The following REG3G variants were observed in gnomAD, a reference collection of about 807,000 sequenced individuals.
REG3G encodes regenerating family member 3 gamma, also known as regenerating islet-derived protein 3-gamma.
Under a neutral mutation model 20.9 loss-of-function variants are expected in REG3G, and 19 were observed. The observed-to-expected ratio is 0.91, with a 90% CI of 0.64 to 1.34. The LOEUF (loss-of-function observed/expected upper bound fraction) is 1.34, where lower values mean the gene tolerates loss of function less well. REG3G is among the 40% of genes most tolerant of loss of function. The pLI, the probability that REG3G is intolerant of heterozygous loss-of-function variation, is 0.00. For synonymous variants in REG3G, 89 were observed against 77.4 expected (o/e 1.15, Z -0.79); for missense variants, 235 against 205.0 (o/e 1.15, Z -0.89).
In REG3G at chr2:79,027,050, G is replaced by A. The variant is rs199881592; in HGVS notation, c.212G>A (p.Arg71Gln). ...WMDADLACQK[R>Q]PSGKLVSVLS... ...CCCTCAAAGCTGGCTTGCCAGAAGC[G>A]GCCCTCTGGAAAACTGGTGTCTGTG... is the stretch of plus-strand genomic sequence containing the variant. Residue 71 changes from arginine (R) to glutamine (Q), a missense_variant, in exon 4 of 6, where the codon CGG becomes CAG. Coordinates refer to ENST00000272324, the MANE Select transcript of REG3G (RefSeq NM_001008387.3). 110 of 1,614,030 alleles carry A rather than the reference G, an allele frequency of 6.8e-5. No individual in the cohort carries two copies. Among genetic ancestry groups the A allele is most frequent in the East Asian group, 2.9e-4 (13 of 44,864 alleles).
At chr2:79,028,114 G>C in intron 5 of REG3G, 95 bp from the exon 6 acceptor site, 1 of 1,284,452 alleles carries the variant, frequency 7.8e-7, no homozygotes, top group South Asian at 1.2e-5. Flanking sequence ...GAAGATGAGA[G>C]AGAAGCTTTA....
intron 4 of REG3G, 107 bp from the exon 5 acceptor site, chr2:79,027,700 C>A: frequency 1.5e-6 from 2 of 1,377,784 alleles, no homozygotes; most frequent in Non-Finnish European, 2.0e-6. Flanking sequence ...GAAGATCAGA[C>A]CAAAATCCCT....
rs1187278596 is a variant in REG3G at position 79,028,446 on chromosome 2, C to T, written c.*170C>T. ...TTCTTCACCTTCATTTCAGGCTTTT[C>T]TCTGTCTTCCATGTCTTGAGATCTC... is the stretch of plus-strand genomic sequence containing the variant. On this transcript the variant is annotated 3_prime_UTR_variant, in exon 6 of 6. Coordinates refer to ENST00000272324, the MANE Select transcript of REG3G (RefSeq NM_001008387.3). 6 of 560,000 alleles carry T rather than the reference C, an allele frequency of 1.1e-5. No individual in the cohort carries two copies. Among genetic ancestry groups the T allele is most frequent in the African/African-American group, 1.9e-5 (1 of 53,114 alleles). 34.7% of individuals were successfully genotyped at this position (560,000 alleles called of 1,614,324 possible).
chr2:79,028,185 G>C, intron 5 of REG3G, 24 bp from the exon 6 acceptor site: 8 of 1,565,930 alleles, frequency 5.1e-6, no homozygotes, highest in Non-Finnish European at 5.3e-6. Flanking sequence ...CCAGCCCCAT[G>C]CCTTTTATAT....
intron 2 of REG3G, 37 bp from the exon 3 acceptor site, chr2:79,026,676 C>G: frequency 1.3e-6 from 2 of 1,545,270 alleles, no homozygotes; most frequent in Non-Finnish European, 1.8e-6. Flanking sequence ...CCACCCCCTA[C>G]TCTTCATTTT....
intron 4 of REG3G, 128 bp from the exon 5 acceptor site, chr2:79,027,679 G>T (rs1375720571): frequency 2.0e-6 from 2 of 1,019,544 alleles, no homozygotes; most frequent in Non-Finnish European, 1.5e-6. Flanking sequence ...AGGACTCTAG[G>T]GCAGCATCTG....
chr2:79,026,796 T>C lies in REG3G; in HGVS notation c.160T>C (p.Leu54=). 6.2e-7 allele frequency: 1 copy of C among 1,613,546 alleles called. No individual in the cohort carries two copies. The highest frequency in any genetic ancestry group is 8.5e-7 in the Non-Finnish European group (1 of 1,179,874). ...SKAYGSPCYA[L]FLSPKSWMDA... ...GGCCTATGGCTCCCCCTGCTATGCC[T>C]TGTTTTTGTCACCAAAATCCTGGAT... The change falls in exon 3 of 6, where the codon TTG becomes CTG. Residue 54 remains leucine, a synonymous_variant. Coordinates refer to ENST00000272324, the MANE Select transcript of REG3G (RefSeq NM_001008387.3).
At chr2:79,028,005 A>T (rs958881206) in intron 5 of REG3G, 72 bp downstream of exon 5, 2 of 1,593,236 alleles carry the variant, frequency 1.3e-6, no homozygotes, top group African/African-American at 2.7e-5. Context: ...CCTTCAGGAA[A>T]TCCTTTTCAG....
intron 4 of REG3G, 31 bp downstream of exon 4, chr2:79,027,202 T>C: frequency 1.2e-6 from 2 of 1,611,034 alleles, no homozygotes; most frequent in Non-Finnish European, 1.7e-6. Context: ...CTCTGTTACC[T>C]CTCAAGGTAC....
At chr2:79,027,312 A>G in intron 4 of REG3G, 141 bp downstream of exon 4, 1 of 904,028 alleles carries the variant, frequency 1.1e-6, no homozygotes, top group Non-Finnish European at 1.7e-6. Context: ...GGAGAATAGG[A>G]AGTCCATGAG....
At position 79,027,839 on chromosome 2, in the gene REG3G, G is replaced by C; in HGVS notation, c.366G>C (p.Trp122Cys). 1.2e-6 allele frequency: 2 copies of C among 1,614,046 alleles called. No homozygotes were observed. The highest frequency in any genetic ancestry group is 1.7e-6 in the Non-Finnish European group (2 of 1,179,960). The change falls in exon 5 of 6, where the codon TGG becomes TGC. Residue 122 changes from tryptophan (W) to cysteine (C), a missense_variant. Transcript: ENST00000272324. ...GSEPDGDGWEWSSTDVMNYFA... is the reference protein window; with the variant it reads ...GSEPDGDGWECSSTDVMNYFA... ...AGCCTGATGGAGATGGATGGGAGTG[G>C]AGTAGCACTGATGTGATGAATTACT...
chr2:79,028,261 C>T lies in REG3G; in HGVS notation c.513C>T (p.Cys171=). 1.9e-6 allele frequency: 3 copies of T among 1,612,504 alleles called. No homozygotes were observed. Among genetic ancestry groups the T allele is most frequent in the Non-Finnish European group, 1.7e-6 (2 of 1,178,630 alleles). The part of the protein sequence containing the change: ...YNCDAKLPYV[C]KFKD ...GTGATGCAAAGTTACCCTATGTCTG[C>T]AAGTTCAAGGACTAGGGCAGGTGGG... is the stretch of plus-strand genomic sequence containing the variant. Residue 171 remains cysteine (C), a synonymous_variant, in exon 6 of 6, where the codon TGC becomes TGT. Transcript: ENST00000272324.
chr2:79,028,421 T>A lies in REG3G; in HGVS notation c.*145T>A. The A allele has an allele frequency of 1.7e-6, 1 of 578,728 alleles. No homozygotes were observed. Among genetic ancestry groups the A allele is most frequent in the Non-Finnish European group, 3.1e-6 (1 of 321,028 alleles). The allele number at this position is 578,728 out of a possible 1,614,324, so 35.8% of individuals were successfully genotyped here. ...TCATGATCCTCCTTCTTTTTCCTTTTTCTTCACCTTCATTTCAGGCTTTTC... is the reference window on the plus strand; with the variant it reads ...TCATGATCCTCCTTCTTTTTCCTTTATCTTCACCTTCATTTCAGGCTTTTC... On this transcript the variant is annotated 3_prime_UTR_variant, in exon 6 of 6. Coordinates refer to ENST00000272324, the MANE Select transcript of REG3G (RefSeq NM_001008387.3).
At chr2:79,026,624 C>G (rs1671625232) in intron 2 of REG3G, 89 bp from the exon 3 acceptor site, 1 of 1,037,952 alleles carries the variant, frequency 9.6e-7, no homozygotes, top group Non-Finnish European at 1.4e-6. Context: ...TGGTCTTCCT[C>G]CCCAAGGGCA....
chr2:79,027,222 C>T (rs775472445), intron 4 of REG3G, 51 bp downstream of exon 4: 3 of 1,590,148 alleles, frequency 1.9e-6, no homozygotes, highest in Non-Finnish European at 2.6e-6. Context: ...CTGTTGTTGC[C>T]CAGGCGCACT....
chr2:79,026,299 A>G (rs1671618472), intron 2 of REG3G, 130 bp downstream of exon 2: 8 of 853,492 alleles, frequency 9.4e-6, no homozygotes, highest in South Asian at 1.5e-5. Flanking sequence ...TTCCTGCATC[A>G]TCACTCCTTC....
In REG3G at chr2:79,027,391, C is replaced by G. The variant is rs1671652516; in HGVS notation, c.333+220C>G. On this transcript the variant is annotated intron_variant, in intron 4 of 5. Transcript: ENST00000272324. The stretch of plus-strand genomic sequence containing the variant: ...GAAAATTAGTCGGACTCTTGTAAAA[C>G]TTTTACATAATTCTCAAGGGAATCC... The G allele has an allele frequency of 2.8e-5, 15 of 545,384 alleles. No homozygotes were observed. The Admixed American group carries it at 4.8e-4, about 17-fold the overall frequency. The allele number at this position is 545,384 out of a possible 1,614,324, so 33.8% of individuals were successfully genotyped here.
chr2:79,028,318 A>C lies in REG3G; in HGVS notation c.*42A>C. On this transcript the variant is annotated 3_prime_UTR_variant, in exon 6 of 6. Transcript: ENST00000272324. ...GCAGCCTGAGCTTGGCGTGCAGCTC[A>C]TCATGGACATGAGACCAGTGTGAAG... 2.3e-4 allele frequency: 312 copies of C among 1,332,328 alleles called. No homozygotes were observed. The highest frequency in any genetic ancestry group is 3.1e-4 in the Non-Finnish European group (290 of 922,740). The allele number at this position is 1,332,328 out of a possible 1,614,324, so 82.5% of individuals were successfully genotyped here.
At chr2:79,028,069 C>G in intron 5 of REG3G, 136 bp downstream of exon 5, 1 of 1,287,548 alleles carries the variant, frequency 7.8e-7, no homozygotes, top group Non-Finnish European at 1.1e-6. Flanking sequence ...TCTCTGCCTT[C>G]TTTGAGTCTC....
Sources: gnomAD v4.1 joint callset for allele counts on GRCh38, gnomAD v4.1.1 for gene constraint, MANE v1.5 for transcripts, NCBI Gene and HGNC (gene_info 2026-07-23, HGNC 2026-07-21) for gene names.